Variants in CLDN15 observed in about 807,000 individuals in gnomAD.
CLDN15 encodes claudin 15.
Under a neutral mutation model 24.5 loss-of-function variants are expected in CLDN15, and 9 were observed. The observed-to-expected ratio is 0.37, with a 90% CI of 0.22 to 0.64. The LOEUF is 0.64. CLDN15 is among the 30% of genes least tolerant of loss of function. CLDN15 has a pLI of 0.63. For synonymous variants in CLDN15, 149 were observed against 131.4 expected, an observed-to-expected ratio of 1.13 and a Z score of -0.92; for missense variants, 248 against 305.9, an observed-to-expected ratio of 0.81 and a Z score of 1.41.
rs575726848 is a variant in CLDN15 at position 101,236,548 on chromosome 7, G to A, written c.217+817C>T. Among the ~76,000 whole-genome samples the A allele has an allele frequency of 5.9e-5, 9 of 152,338 alleles. No homozygotes were observed. In the South Asian group the frequency reaches 6.2e-4, roughly 11 times the overall value. ...GCAGCGGCACCACACACAGTTCACG[G>A]TCGCCAGCGCTCAGTCTCTGGCATA... is the stretch of plus-strand genomic sequence containing the variant. On this transcript the variant is annotated intron_variant, in intron 1 of 4. Coordinates refer to ENST00000308344, the MANE Select transcript of CLDN15 (RefSeq NM_014343.3).
chr7:101,232,732 G>A lies in CLDN15; in HGVS notation c.465-12C>T, dbSNP rs747855597. 34 of 1,589,656 alleles carry A rather than the reference G, an allele frequency of 2.1e-5. No homozygotes were observed. Among genetic ancestry groups the A allele is most frequent in the Non-Finnish European group, 2.9e-5 (34 of 1,164,970 alleles). Reference sequence around the variant, plus strand: ...GGCCCAGCTCGTACCTGCGCACAAGGGCGGCGCGGGGGCGGGGGACAAGTG... The same window carrying A: ...GGCCCAGCTCGTACCTGCGCACAAGAGCGGCGCGGGGGCGGGGGACAAGTG... On this transcript the variant is annotated splice_polypyrimidine_tract_variant and intron_variant, in intron 3 of 4. Transcript: ENST00000308344.
Position 101,232,147 on chromosome 7 carries a change from G to T in CLDN15, c.*263C>A, listed in dbSNP as rs964998926. ...ATGTATTTATACACAATACAAACGT[G>T]CGGGGACACCGTCCCCTTCACAGCC... is the stretch of plus-strand genomic sequence containing the variant. On this transcript the variant is annotated 3_prime_UTR_variant, in exon 5 of 5. Coordinates refer to ENST00000308344, the MANE Select transcript of CLDN15 (RefSeq NM_014343.3). 2 of 459,696 alleles carry T rather than the reference G, an allele frequency of 4.4e-6. No individual in the cohort carries two copies. The highest frequency in any genetic ancestry group is 7.7e-6 in the Non-Finnish European group (2 of 258,094). 28.5% of individuals were successfully genotyped at this position (459,696 alleles called of 1,614,324 possible). A position where few individuals can be genotyped will look rare whatever the true frequency, so the allele number is the denominator to read the frequency against.
Position 101,234,181 on chromosome 7 carries a change from TGAG to T in CLDN15, c.382+94_382+96del, listed in dbSNP as rs1233611138. The stretch of plus-strand genomic sequence containing the variant: ...TGCAGCAGGGTAGGGGAGGTGAGCA[TGAG>T]GAGTGGGAATTGGAGAGGAGATTAG... On this transcript the variant is annotated intron_variant, in intron 2 of 4. Coordinates refer to ENST00000308344, the MANE Select transcript of CLDN15 (RefSeq NM_014343.3). The T allele has an allele frequency of 6.1e-6, 6 of 984,808 alleles. No individual in the cohort carries two copies. In the East Asian group the frequency reaches 9.5e-5, roughly 16 times the overall value. The allele number at this position is 984,808 out of a possible 1,614,324, so 61.0% of individuals were successfully genotyped here. A position where few individuals can be genotyped will look rare whatever the true frequency, so the allele number is the denominator to read the frequency against.
chr7:101,232,349 C>T lies in CLDN15; in HGVS notation c.*61G>A. The T allele has an allele frequency of 2.4e-6, 3 of 1,275,744 alleles. No individual in the cohort carries two copies. The highest frequency in any genetic ancestry group is 3.4e-6 in the Non-Finnish European group (3 of 890,724). The allele number at this position is 1,275,744 out of a possible 1,614,324, so 79.0% of individuals were successfully genotyped here. A position where few individuals can be genotyped will look rare whatever the true frequency, so the allele number is the denominator to read the frequency against. ...TGAGGTTACTATAGGGGAATGGGCC[C>T]CGGCCAGGTCCCCTCTCCTTGGGGC... On this transcript the variant is annotated 3_prime_UTR_variant, in exon 5 of 5. Transcript: ENST00000308344.
In CLDN15 at chr7:101,232,611, C is replaced by A; in HGVS notation, c.574G>T (p.Ala192Ser). The A allele has an allele frequency of 3.8e-6, 6 of 1,592,442 alleles. No individual in the cohort carries two copies. Among genetic ancestry groups the A allele is most frequent in the Non-Finnish European group, 5.1e-6 (6 of 1,169,864 alleles). ...GCGCCTCACCCTGCTCACCTGGCGG[C>A]TGGGTCCTCGTCAGAGCCGCAGCAG... ...ACCCGSDEDP[A>S]ASARRPYQAP... is the part of the protein sequence containing the mutation. Residue 192 changes from alanine (A) to serine (S), a missense_variant, in exon 4 of 5, where the codon GCC becomes TCC. Transcript: ENST00000308344.
chr7:101,232,888 A>G lies in CLDN15; in HGVS notation c.409T>C (p.Trp137Arg), dbSNP rs1798530218. The G allele has an allele frequency of 6.2e-7, 1 of 1,608,344 alleles. No individual in the cohort carries two copies. The highest frequency in any genetic ancestry group is 8.5e-7 in the Non-Finnish European group (1 of 1,177,036). ...TCCCGGGTGATGTTGAAGGCGTACC[A>G]GGAGATGGCCACCATCCCGCAGATA... is the stretch of plus-strand genomic sequence containing the variant. ...AGICGMVAIS[W>R]YAFNITRDFF... The change falls in exon 3 of 5, where the codon TGG becomes CGG. Residue 137 changes from tryptophan to arginine, a missense_variant. Trp to Arg is a moderately radical substitution (Grantham distance 101, BLOSUM62 -3). Coordinates refer to ENST00000308344, the MANE Select transcript of CLDN15 (RefSeq NM_014343.3).
rs1347468028 is a variant in CLDN15 at position 101,237,276 on chromosome 7, C to G, written c.217+89G>C. On this transcript the variant is annotated intron_variant, in intron 1 of 4. Coordinates refer to ENST00000308344, the MANE Select transcript of CLDN15 (RefSeq NM_014343.3). This position sits in a 1 kb window ranked among gnomAD's most constrained non-coding sequence, Gnocchi z 4.0. Reference sequence around the variant, plus strand: ...CCCGCAGAGCTTAATTCAGGGCTCCCTGCATCCTCACGGAAGTACCCGCCC... The same window carrying G: ...CCCGCAGAGCTTAATTCAGGGCTCCGTGCATCCTCACGGAAGTACCCGCCC... The G allele has an allele frequency of 1.1e-6, 1 of 870,634 alleles. No homozygotes were observed. The highest frequency in any genetic ancestry group is 1.4e-5 in the South Asian group (1 of 69,896). 53.9% of individuals were successfully genotyped at this position (870,634 alleles called of 1,614,324 possible).
At position 101,233,867 on chromosome 7, in the gene CLDN15, A is replaced by G. The variant is rs1424585985; in HGVS notation, c.382+411T>C. On this transcript the variant is annotated intron_variant, in intron 2 of 4. Transcript: ENST00000308344. ...TTGAACTCCTGACCTCAAGTAATCC[A>G]CCCACCTCAGCCTACCAAAGTGCTG... The G allele has an allele frequency of 9.2e-5, 26 of 283,310 alleles. No homozygotes were observed. The Admixed American group carries it at 1.1e-3, about 12-fold the overall frequency. 17.5% of individuals were successfully genotyped at this position (283,310 alleles called of 1,614,324 possible). A position where few individuals can be genotyped will look rare whatever the true frequency, so the allele number is the denominator to read the frequency against.
chr7:101,232,259 A>T lies in CLDN15; in HGVS notation c.*151T>A. Reference sequence around the variant, plus strand: ...GAGCAGTTCTTGGCCTGGAGGGGCCATGAGAGTGCAAGACACGGGGCCGTG... The same window carrying T: ...GAGCAGTTCTTGGCCTGGAGGGGCCTTGAGAGTGCAAGACACGGGGCCGTG... On this transcript the variant is annotated 3_prime_UTR_variant, in exon 5 of 5. Transcript: ENST00000308344. 1.7e-6 allele frequency: 1 copy of T among 599,156 alleles called. No individual in the cohort carries two copies. The highest frequency in any genetic ancestry group is 3.0e-6 in the Non-Finnish European group (1 of 337,274). 37.1% of individuals were successfully genotyped at this position (599,156 alleles called of 1,614,324 possible).
intron 1 of CLDN15, among the ~76,000 whole-genome samples, chr7:101,236,230 A>G (rs1290040689): frequency 2.0e-5 from 3 of 151,636 alleles, no homozygotes; most frequent in Admixed American, 6.6e-5. Context: ...TTCTGGCCCA[A>G]GTTGTACTCA....
At chr7:101,232,789 A>G (rs1798528150) in intron 3 of CLDN15, 44 bp downstream of exon 3, 1 of 1,580,160 alleles carries the variant, frequency 6.3e-7, no homozygotes, top group African/African-American at 1.3e-5. Context: ...GCTGAGTCCC[A>G]CCCGCTGCCC....
Position 101,235,691 on chromosome 7 carries a change from G to A in CLDN15, c.218-1249C>T, listed in dbSNP as rs184064833. ...GGAGATGCAGGGTGCAGAGTCGGGG[G>A]GTAGGCAGGAGGGACAAAGTTCTCT... On this transcript the variant is annotated intron_variant, in intron 1 of 4. Coordinates refer to ENST00000308344, the MANE Select transcript of CLDN15 (RefSeq NM_014343.3). Among the ~76,000 whole-genome samples the A allele has an allele frequency of 6.6e-5, 10 of 152,254 alleles. No individual in the cohort carries two copies. In the East Asian group the frequency reaches 1.9e-3, roughly 29 times the overall value.
chr7:101,232,990 CAGGGG>C, intron 2 of CLDN15, 76 bp from the exon 3 acceptor site: 1 of 1,024,954 alleles, frequency 9.8e-7, no homozygotes, highest in Non-Finnish European at 1.5e-6. Context: ...GAGAGGCAGG[CAGGGG>C]CTGCCCAGAG....
intron 1 of CLDN15, chr7:101,236,678 G>C: frequency 8.2e-7 from 1 of 1,225,784 alleles, no homozygotes; most frequent in Non-Finnish European, 1.1e-6. Flanking sequence ...AACTGCCCTG[G>C]GCCCAAAGAG....
At chr7:101,232,806 CG>C (rs773273760) in intron 3 of CLDN15, 26 bp downstream of exon 3, 7 of 1,597,112 alleles carry the variant, frequency 4.4e-6, no homozygotes, top group Non-Finnish European at 5.1e-6. Context: ...GCCCCGAGGG[CG>C]GGGGGTGGGG....
At chr7:101,235,623 G>T (rs1446332054) in intron 1 of CLDN15, among the ~76,000 whole-genome samples, 1 of 152,156 alleles carries the variant, frequency 6.6e-6, no homozygotes, top group East Asian at 1.9e-4. Flanking sequence ...CCCGGGTGGG[G>T]CATAACTGTT....
intron 1 of CLDN15, 49 bp from the exon 2 acceptor site, chr7:101,234,491 G>C (rs1028586250): frequency 1.1e-5 from 15 of 1,423,134 alleles, no homozygotes; most frequent in Non-Finnish European, 1.3e-5. Context: ...CTCTGCGACG[G>C]AGCCAGCCCA....
chr7:101,233,946 T>C (rs1356559312), intron 2 of CLDN15: 6 of 474,016 alleles, frequency 1.3e-5, no homozygotes, highest in African/African-American at 5.8e-5. Context: ...GGACGTGCAC[T>C]GTGTGTGTGC....
chr7:101,233,019 C>G lies in CLDN15; in HGVS notation c.383-105G>C, dbSNP rs1189735185. On this transcript the variant is annotated intron_variant, in intron 2 of 4. Transcript: ENST00000308344. The stretch of plus-strand genomic sequence containing the variant: ...GGCTGCCCAGAGTAGGACGGGGGCA[C>G]CAAGTCCCAGAGCAGCAATTTCACT... The G allele has an allele frequency of 3.9e-6, 3 of 762,324 alleles. No homozygotes were observed. The African/African-American group carries it at 5.2e-5, about 13-fold the overall frequency. 47.2% of individuals were successfully genotyped at this position (762,324 alleles called of 1,614,324 possible).
Sources: allele counts gnomAD v4.1 joint callset (sites outside exome capture counted in the v4.1 genomes callset), GRCh38; gene constraint gnomAD v4.1.1; non-coding constraint Gnocchi (gnomAD v3.1); transcripts MANE v1.5; gene names NCBI Gene and HGNC (gene_info 2026-07-23, HGNC 2026-07-21).